The following FYN variants were observed in gnomAD, a reference collection of about 807,000 sequenced individuals.
FYN encodes the protein tyrosine-protein kinase Fyn.
In FYN, 10 loss-of-function variants were observed where a neutral mutation model predicts 70.2. The ratio of observed to expected loss-of-function variants is 0.14; its 90% CI spans 0.09 to 0.24. The LOEUF (loss-of-function observed/expected upper bound fraction) is 0.24, where lower values mean the gene tolerates loss of function less well. Among genes scored for constraint, FYN ranks in the 10% least tolerant of loss-of-function variants. The pLI is 1.00. For missense variants in FYN, 319 were observed against 673.1 expected (o/e 0.47, Z 5.82); for synonymous variants, 236 against 248.6 (o/e 0.95, Z 0.48).
chr6:111,852,095 T>C (rs1325145267), intron 1 of FYN, among the ~76,000 whole-genome samples: 1 of 152,132 alleles, frequency 6.6e-6, no homozygotes, highest in Admixed American at 6.5e-5. Context: ...TTCTGTTAAA[T>C]AGGAAATTGA....
intron 5 of FYN, among the ~76,000 whole-genome samples, chr6:111,710,550 A>G (rs1800321211): frequency 6.6e-6 from 1 of 152,212 alleles, no homozygotes; most frequent in African/African-American, 2.4e-5. Context: ...GAAAGATAAA[A>G]TCCTTGATTT....
chr6:111,741,418 A>C (rs1427189185), intron 3 of FYN, among the ~76,000 whole-genome samples: 1 of 152,226 alleles, frequency 6.6e-6, no homozygotes. Flanking sequence ...ATACGTGTGC[A>C]TCTGCATAAA....
chr6:111,850,046 G>A (rs1340478719), intron 1 of FYN, among the ~76,000 whole-genome samples: 1 of 152,180 alleles, frequency 6.6e-6, no homozygotes, highest in Non-Finnish European at 1.5e-5. Flanking sequence ...AGGTGACAGA[G>A]AGAATTAAAT....
intron 3 of FYN, among the ~76,000 whole-genome samples, chr6:111,779,431 T>C (rs185948663): frequency 7.3e-4 from 111 of 152,306 alleles, no homozygotes; most frequent in African/African-American, 2.3e-3. Context: ...AAAGTTTAAA[T>C]ATGGCAACTG....
chr6:111,714,592 AC>A (rs1800533354), intron 4 of FYN, 149 bp from the exon 5 acceptor site: 1 of 645,770 alleles, frequency 1.5e-6, no homozygotes, highest in Non-Finnish European at 2.7e-6. Flanking sequence ...ACGTGTCAAA[AC>A]CACAGTCACA....
At chr6:111,726,293 C>A (rs1325228384) in intron 3 of FYN, among the ~76,000 whole-genome samples, 2 of 152,192 alleles carry the variant, frequency 1.3e-5, no homozygotes, top group East Asian at 3.9e-4. Context: ...AAAACTAATA[C>A]ATGTTTTGGT....
intron 2 of FYN, among the ~76,000 whole-genome samples, chr6:111,817,050 T>G (rs1419079601): frequency 6.6e-6 from 1 of 152,112 alleles, no homozygotes; most frequent in African/African-American, 2.4e-5. Context: ...GCATTAAAAT[T>G]TTGATGTAAA....
chr6:111,804,103 G>A (rs1772074045), intron 2 of FYN, among the ~76,000 whole-genome samples: 1 of 152,166 alleles, frequency 6.6e-6, no homozygotes, highest in Admixed American at 6.6e-5. Flanking sequence ...TACATCAAAA[G>A]CTGCTAAAGT....
At chr6:111,842,130 C>T (rs1773378551) in intron 2 of FYN, among the ~76,000 whole-genome samples, 1 of 152,208 alleles carries the variant, frequency 6.6e-6, no homozygotes, top group Admixed American at 6.5e-5. Context: ...CTCAGTTATA[C>T]ACTGAGGCTG....
At chr6:111,700,027 T>C in intron 9 of FYN, 77 bp downstream of exon 9, 1 of 1,377,838 alleles carries the variant, frequency 7.3e-7, no homozygotes, top group Non-Finnish European at 1.0e-6. Context: ...GCAGTCTTTA[T>C]TTTCACCTTC....
Position 111,687,803 on chromosome 6 carries a change from TATAG to T in FYN, c.1273+6568_1273+6571del, listed in dbSNP as rs374673319. On this transcript the variant is annotated intron_variant, in intron 12 of 13. Transcript: ENST00000354650. ...ACAGGGAAGCCATACAATTCTATGA[TATAG>T]ATAACTATTATTATCCCTATTTTAA... Among the ~76,000 whole-genome samples the T allele has an allele frequency of 3.4e-3, 522 of 152,316 alleles. 3 individuals carry two copies. Among genetic ancestry groups the T allele is most frequent in the African/African-American group, 0.011 (472 of 41,564 alleles).
intron 3 of FYN, among the ~76,000 whole-genome samples, chr6:111,748,772 C>G (rs920189449): frequency 6.6e-6 from 1 of 152,142 alleles, no homozygotes; most frequent in Non-Finnish European, 1.5e-5. Flanking sequence ...ATATTTTACA[C>G]AGGTCGTCTT....
chr6:111,784,000 G>T (rs531110005), intron 2 of FYN, among the ~76,000 whole-genome samples: 1 of 152,196 alleles, frequency 6.6e-6, no homozygotes, highest in African/African-American at 2.4e-5. Flanking sequence ...CCAGTGATTG[G>T]TTTAAGAATA....
chr6:111,869,751 T>C (rs1265297409), intron 1 of FYN, among the ~76,000 whole-genome samples: 2 of 152,040 alleles, frequency 1.3e-5, no homozygotes. Flanking sequence ...AATGACCAGA[T>C]GAAAAATGAA....
intron 3 of FYN, among the ~76,000 whole-genome samples, chr6:111,757,917 G>A (rs970179370): frequency 6.6e-6 from 1 of 152,092 alleles, no homozygotes; most frequent in African/African-American, 2.4e-5. Flanking sequence ...TGGCACATAC[G>A]ATTTCTTTTT....
chr6:111,847,105 C>T (rs1251576400), intron 1 of FYN, among the ~76,000 whole-genome samples: 4 of 152,170 alleles, frequency 2.6e-5, no homozygotes, highest in Non-Finnish European at 4.4e-5. Flanking sequence ...GGGTGGGCCC[C>T]GCTGTCAAAA....
rs1799577953 is a variant in FYN, at chr6:111,696,455, A to G, written c.864T>C (p.Gly288=). The G allele has an allele frequency of 6.3e-7, 1 of 1,594,320 alleles. No homozygotes were observed. Among genetic ancestry groups the G allele is most frequent in the Non-Finnish European group, 8.6e-7 (1 of 1,168,168 alleles). ...GNGQFGEVWM[G]TWNGNTKVAI... is the part of the protein sequence containing the mutation. ...CTACTTTTGTGTTTCCATTCCAGGTACCTACAAACATCCCAGAATATGAAG... is the reference window on the plus strand; with the variant it reads ...CTACTTTTGTGTTTCCATTCCAGGTGCCTACAAACATCCCAGAATATGAAG... Residue 288 remains glycine (G), a splice_region_variant and synonymous_variant, in exon 10 of 14, where the codon GGT becomes GGC. Coordinates refer to ENST00000354650, the MANE Select transcript of FYN (RefSeq NM_002037.5).
intron 2 of FYN, among the ~76,000 whole-genome samples, chr6:111,838,810 GC>G (rs1234315850): frequency 1.3e-5 from 2 of 152,180 alleles, no homozygotes; most frequent in Non-Finnish European, 2.9e-5. Flanking sequence ...GTTATCACTT[GC>G]CTCACGTTCA....
chr6:111,677,692 T>C (rs907258250), intron 12 of FYN, among the ~76,000 whole-genome samples: 8 of 152,214 alleles, frequency 5.3e-5, no homozygotes, highest in Non-Finnish European at 1.2e-4. Flanking sequence ...GGTGTAAACG[T>C]TGCCTTTCCC....
Sources: gnomAD v4.1 joint callset for allele counts (sites outside exome capture counted in the v4.1 genomes callset) on GRCh38, gnomAD v4.1.1 for gene constraint, MANE v1.5 for transcripts, NCBI Gene and HGNC (gene_info 2026-07-23, HGNC 2026-07-21) for gene names.